The following SEMA3A variants were observed in gnomAD, a reference collection of about 807,000 sequenced individuals.
SEMA3A encodes semaphorin 3A, also known as semaphorin-3A.
SEMA3A carries 29 observed loss-of-function variants against 97.9 expected under a neutral mutation model. That is an observed-to-expected ratio of 0.30 (90% CI 0.22 to 0.40). SEMA3A has a LOEUF of 0.40. Among genes scored for constraint, SEMA3A ranks in the 10% least tolerant of loss-of-function variants. The pLI, the probability that SEMA3A is intolerant of heterozygous loss-of-function variation, is 1.00. For synonymous variants in SEMA3A, 321 were observed against 323.7 expected (o/e 0.99, Z 0.09); for missense variants, 763 against 951.3 (o/e 0.80, Z 2.60).
At chr7:84,391,753 C>G (rs757759357) in intron 1 of SEMA3A, among the ~76,000 whole-genome samples, 97 of 151,992 alleles carry the variant, frequency 6.4e-4, no homozygotes, top group Non-Finnish European at 1.2e-3. Context: ...GGGAAGATTG[C>G]TGAGTCCAGG....
At chr7:84,219,803 G>A (rs1057361244) in intron 3 of SEMA3A, among the ~76,000 whole-genome samples, 3 of 151,972 alleles carry the variant, frequency 2.0e-5, no homozygotes, top group African/African-American at 7.2e-5. Context: ...GCTTCAACTT[G>A]CACTTTTATG....
At chr7:84,238,803 T>G (rs2116374209) in intron 3 of SEMA3A, among the ~76,000 whole-genome samples, 1 of 151,982 alleles carries the variant, frequency 6.6e-6, no homozygotes, top group Non-Finnish European at 1.5e-5. Flanking sequence ...CAACCTCCAC[T>G]TCCCTAGTTC....
At chr7:84,024,386 CA>C (rs35094304) in intron 6 of SEMA3A, among the ~76,000 whole-genome samples, 104,094 of 151,010 alleles carry the variant, frequency 0.69, 35,972 homozygotes, top group Middle Eastern at 0.77. Context: ...ACTAAAAATA[CA>C]AAAAAAAAAT....
In SEMA3A at chr7:84,001,995, T is replaced by G. The variant is rs555493748; in HGVS notation, c.1412A>C (p.Asp471Ala). Residue 471 changes from aspartate to alanine, a missense_variant, in exon 12 of 17, where the codon GAT becomes GCT. Physicochemically the swap from Asp to Ala is moderately radical, Grantham distance 126 (BLOSUM62 -2). Transcript: ENST00000265362. ...VVSIPKETWY[D>A]LEEVLLEEMT... The stretch of plus-strand genomic sequence containing the variant: ...TTCTTCCAGCAGAACCTCTTCTAAA[T>G]CATACCAAGTCTCCTTAGGAATTGA... 36 of 1,612,732 alleles carry G rather than the reference T, an allele frequency of 2.2e-5. No individual in the cohort carries two copies. The highest frequency in any genetic ancestry group is 3.0e-5 in the Non-Finnish European group (35 of 1,179,310).
chr7:84,259,197 C>G (rs1799786549), intron 3 of SEMA3A, among the ~76,000 whole-genome samples: 1 of 152,168 alleles, frequency 6.6e-6, no homozygotes, highest in Non-Finnish European at 1.5e-5. Flanking sequence ...CAACTTTTCA[C>G]TTAGTTTACA....
chr7:83,967,700 A>G (rs990912361), intron 15 of SEMA3A, among the ~76,000 whole-genome samples: 1 of 152,198 alleles, frequency 6.6e-6, no homozygotes, highest in Admixed American at 6.5e-5. Flanking sequence ...GGTTGCAGTG[A>G]GCCAAGATCG....
chr7:84,474,996 A>G (rs548457022), intron 1 of SEMA3A, among the ~76,000 whole-genome samples: 1 of 152,230 alleles, frequency 6.6e-6, no homozygotes, highest in South Asian at 2.1e-4. Context: ...TGAAGAAAAA[A>G]AAGTGAAACA....
intron 4 of SEMA3A, among the ~76,000 whole-genome samples, chr7:84,084,379 T>C (rs1364619041): frequency 6.6e-6 from 1 of 151,994 alleles, no homozygotes; most frequent in Non-Finnish European, 1.5e-5. Flanking sequence ...TTACGAAATA[T>C]AGCAGGGGTG....
At chr7:84,227,796 C>A (rs2116349083) in intron 3 of SEMA3A, among the ~76,000 whole-genome samples, 1 of 152,026 alleles carries the variant, frequency 6.6e-6, no homozygotes, top group South Asian at 2.1e-4. Flanking sequence ...AGAAACTAAC[C>A]CTTCTTTGCC....
chr7:84,240,315 G>A (rs753041556), intron 3 of SEMA3A, among the ~76,000 whole-genome samples: 11 of 151,802 alleles, frequency 7.2e-5, no homozygotes, highest in Non-Finnish European at 1.5e-4. Context: ...TTTGAGTGGC[G>A]AAGTTTTGCA....
At chr7:84,091,565 G>A (rs975893925) in intron 4 of SEMA3A, among the ~76,000 whole-genome samples, 3 of 152,200 alleles carry the variant, frequency 2.0e-5, no homozygotes, top group East Asian at 1.9e-4. Context: ...CTATTCAGCC[G>A]AGTGCTTTAC....
At chr7:84,459,581 T>C (rs1250310308) in intron 1 of SEMA3A, among the ~76,000 whole-genome samples, 1 of 152,168 alleles carries the variant, frequency 6.6e-6, no homozygotes, top group East Asian at 1.9e-4. Flanking sequence ...TTGAAAGAAA[T>C]ACAGGATCTG....
At chr7:84,158,599 C>G (rs1796927919) in intron 1 of SEMA3A, among the ~76,000 whole-genome samples, 1 of 152,130 alleles carries the variant, frequency 6.6e-6, no homozygotes, top group Non-Finnish European at 1.5e-5. Flanking sequence ...ATTTTGTGCA[C>G]TGCCCCTCTT....
At chr7:84,180,344 C>T (rs116802303) in intron 1 of SEMA3A, among the ~76,000 whole-genome samples, 9,634 of 152,036 alleles carry the variant, frequency 0.063, 356 homozygotes, top group African/African-American at 0.094. Flanking sequence ...ATTTATCTAG[C>T]AGAACATAGA....
intron 7 of SEMA3A, among the ~76,000 whole-genome samples, chr7:84,012,235 A>T (rs1203186964): frequency 6.6e-6 from 1 of 152,210 alleles, no homozygotes; most frequent in Non-Finnish European, 1.5e-5. Flanking sequence ...TCTTCTCGCC[A>T]CGAAGAATTA....
intron 3 of SEMA3A, among the ~76,000 whole-genome samples, chr7:84,203,127 G>A (rs1244636670): frequency 6.6e-6 from 1 of 152,038 alleles, no homozygotes; most frequent in Non-Finnish European, 1.5e-5. Context: ...ATAAGATTTT[G>A]CATTAGGGAC....
At chr7:84,429,515 G>GTTTTATATATATATATATATATATAT (rs1479237963) in intron 1 of SEMA3A, among the ~76,000 whole-genome samples, 2 of 35,754 alleles carry the variant, frequency 5.6e-5, no homozygotes, top group Non-Finnish European at 8.9e-5. Flanking sequence ...TATAGAGTTT[G>GTTTTATATATATATATATATATATAT]TTATATATAT....
chr7:84,445,477 G>C (rs1805385391), intron 1 of SEMA3A, among the ~76,000 whole-genome samples: 1 of 79,996 alleles, frequency 1.3e-5, no homozygotes, highest in African/African-American at 4.5e-5. Context: ...CTGGGCGACA[G>C]AGTGAGACTC....
chr7:84,409,336 T>C (rs915814809), intron 1 of SEMA3A, among the ~76,000 whole-genome samples: 15 of 151,868 alleles, frequency 9.9e-5, no homozygotes, highest in African/African-American at 3.6e-4. Flanking sequence ...ATCAATTTTT[T>C]AAAATAAAAA....
Sources: gnomAD v4.1 joint callset for allele counts (sites outside exome capture counted in the v4.1 genomes callset) on GRCh38, gnomAD v4.1.1 for gene constraint, MANE v1.5 for transcripts, NCBI Gene and HGNC (gene_info 2026-07-23, HGNC 2026-07-21) for gene names.